The following SLC66A3 variants were observed in gnomAD, a reference collection of about 807,000 sequenced individuals.
The protein encoded by SLC66A3 is PQ loop repeat containing 3.
Under a neutral mutation model 25.5 loss-of-function variants are expected in SLC66A3, and 23 were observed. That is an observed-to-expected ratio of 0.90 (90% CI 0.65 to 1.28). The LOEUF is 1.28. Among genes scored for constraint, SLC66A3 ranks in the 50% most tolerant of loss-of-function variants. The probability of loss-of-function intolerance (pLI) is 0.00; values close to 1 mark genes in which losing one functional copy is unlikely to be tolerated. For synonymous variants in SLC66A3, 108 were observed against 112.6 expected (o/e 0.96, Z 0.26); for missense variants, 246 against 262.1 (o/e 0.94, Z 0.42).
At position 11,178,058 on chromosome 2, in the gene SLC66A3, C is replaced by T. The variant is rs185753268; in HGVS notation, c.*230C>T. On this transcript the variant is annotated 3_prime_UTR_variant, in exon 7 of 7. Transcript: ENST00000295083. ...GGTTATGGTAGTGCTCAGACATCTG[C>T]AGTGTTGAGGCCAGTCACTGTTGGA... is the stretch of plus-strand genomic sequence containing the variant. 2.9e-5 allele frequency: 12 copies of T among 419,122 alleles called. No homozygotes were observed. The Admixed American group carries it at 4.5e-4, about 16-fold the overall frequency. The allele number at this position is 419,122 out of a possible 1,614,324, so 26.0% of individuals were successfully genotyped here. A position where few individuals can be genotyped will look rare whatever the true frequency, so the allele number is the denominator to read the frequency against.
chr2:11,162,383 G>C lies in SLC66A3; in HGVS notation c.296+1689G>C, dbSNP rs370906899. ...GTAAACAGTACTTTGAAGATGAAAA[G>C]AGTTACATAATTTACTTTTGAAATA... On this transcript the variant is annotated intron_variant, in intron 3 of 6. Coordinates refer to ENST00000295083, the MANE Select transcript of SLC66A3 (RefSeq NM_152391.5). Among the ~76,000 whole-genome samples, 19 of 152,286 alleles carry C rather than the reference G, an allele frequency of 1.2e-4. No individual in the cohort carries two copies. The South Asian group carries it at 1.7e-3, about 13-fold the overall frequency.
chr2:11,164,744 C>G (rs138240424), intron 4 of SLC66A3, among the ~76,000 whole-genome samples: 1 of 151,568 alleles, frequency 6.6e-6, no homozygotes, highest in Non-Finnish European at 1.5e-5. Context: ...TGATTCTTAA[C>G]GAGCCTGCTG....
intron 3 of SLC66A3, among the ~76,000 whole-genome samples, chr2:11,163,063 A>G (rs1368250573): frequency 3.3e-5 from 5 of 152,154 alleles, no homozygotes; most frequent in African/African-American, 1.2e-4. Flanking sequence ...ACATAGTGGG[A>G]TTCCCTAGCG....
At chr2:11,157,653 A>G (rs1457997823) in intron 1 of SLC66A3, among the ~76,000 whole-genome samples, 1 of 152,260 alleles carries the variant, frequency 6.6e-6, no homozygotes. Flanking sequence ...TTGGGTCTCC[A>G]TTTGAGCAAA....
At chr2:11,168,464 CTGAAAGA>C (rs1662430478) in intron 4 of SLC66A3, among the ~76,000 whole-genome samples, 1 of 152,108 alleles carries the variant, frequency 6.6e-6, no homozygotes, top group Non-Finnish European at 1.5e-5. Flanking sequence ...AGCTTTGTTC[CTGAAAGA>C]TGAATCTGGT....
chr2:11,160,879 C>G, intron 3 of SLC66A3, 185 bp downstream of exon 3: 4 of 971,060 alleles, frequency 4.1e-6, no homozygotes, highest in Non-Finnish European at 5.9e-6. Flanking sequence ...GCCCCTGCTG[C>G]TCCTCCGAGA....
chr2:11,160,558 C>T lies in SLC66A3; in HGVS notation c.226+10C>T. 1.2e-6 allele frequency: 2 copies of T among 1,614,184 alleles called. No homozygotes were observed. Among genetic ancestry groups the T allele is most frequent in the South Asian group, 1.1e-5 (1 of 91,082 alleles). ...ATCCTCATCGCGCAAGGTAACAGCC[C>T]CTTCCCTGTCCAGCGGACTGCCACG... On this transcript the variant is annotated intron_variant, in intron 2 of 6. Coordinates refer to ENST00000295083, the MANE Select transcript of SLC66A3 (RefSeq NM_152391.5).
chr2:11,160,969 C>G (rs1662107831), intron 3 of SLC66A3: 1 of 568,608 alleles, frequency 1.8e-6, no homozygotes, highest in African/African-American at 1.9e-5. Context: ...GCAGCATCGT[C>G]CAACTGCATT....
In SLC66A3 at chr2:11,160,563, C is replaced by T; in HGVS notation, c.226+15C>T. 6.2e-7 allele frequency: 1 copy of T among 1,614,174 alleles called. No homozygotes were observed. The highest frequency in any genetic ancestry group is 8.5e-7 in the Non-Finnish European group (1 of 1,180,036). On this transcript the variant is annotated intron_variant, in intron 2 of 6. Coordinates refer to ENST00000295083, the MANE Select transcript of SLC66A3 (RefSeq NM_152391.5). ...CATCGCGCAAGGTAACAGCCCCTTC[C>T]CTGTCCAGCGGACTGCCACGGGTCT...
At chr2:11,158,523 G>A (rs557843823) in intron 1 of SLC66A3, among the ~76,000 whole-genome samples, 3 of 152,246 alleles carry the variant, frequency 2.0e-5, no homozygotes, top group African/African-American at 7.2e-5. Context: ...TTAGCTGGGC[G>A]TGGTGGCTGG....
At position 11,155,516 on chromosome 2, in the gene SLC66A3, C is replaced by A; in HGVS notation, c.-31C>A. 1 of 1,477,276 alleles carries A rather than the reference C, an allele frequency of 6.8e-7. No individual in the cohort carries two copies. Among genetic ancestry groups the A allele is most frequent in the South Asian group, 1.3e-5 (1 of 78,288 alleles). 91.5% of individuals were successfully genotyped at this position (1,477,276 alleles called of 1,614,324 possible). ...GAGGCTGAGCGGTCCCTTCTCGCTGCGGCCGCCCAGGTGCCCGCGCCCGTG... is the reference window on the plus strand; with the variant it reads ...GAGGCTGAGCGGTCCCTTCTCGCTGAGGCCGCCCAGGTGCCCGCGCCCGTG... On this transcript the variant is annotated 5_prime_UTR_variant, in exon 1 of 7. Coordinates refer to ENST00000295083, the MANE Select transcript of SLC66A3 (RefSeq NM_152391.5).
In SLC66A3 at chr2:11,177,867, C is replaced by A; in HGVS notation, c.*39C>A. The A allele has an allele frequency of 8.2e-7, 1 of 1,218,712 alleles. No individual in the cohort carries two copies. The highest frequency in any genetic ancestry group is 1.2e-6 in the Non-Finnish European group (1 of 845,012). 75.5% of individuals were successfully genotyped at this position (1,218,712 alleles called of 1,614,324 possible). ...CCTTCACACAGTGGATTTTGAGTAA[C>A]TGAACCAAAGGAAAAAGAAGCTCTT... On this transcript the variant is annotated 3_prime_UTR_variant, in exon 7 of 7. Coordinates refer to ENST00000295083, the MANE Select transcript of SLC66A3 (RefSeq NM_152391.5).
Position 11,155,520 on chromosome 2 carries a change from C to T in SLC66A3, c.-27C>T, listed in dbSNP as rs534131759. On this transcript the variant is annotated 5_prime_UTR_variant, in exon 1 of 7. Coordinates refer to ENST00000295083, the MANE Select transcript of SLC66A3 (RefSeq NM_152391.5). ...CTGAGCGGTCCCTTCTCGCTGCGGC[C>T]GCCCAGGTGCCCGCGCCCGTGGCGC... 2.3e-4 allele frequency: 336 copies of T among 1,480,220 alleles called. No homozygotes were observed. The highest frequency in any genetic ancestry group is 2.8e-4 in the Non-Finnish European group (315 of 1,124,096). 91.7% of individuals were successfully genotyped at this position (1,480,220 alleles called of 1,614,324 possible). A position where few individuals can be genotyped will look rare whatever the true frequency, so the allele number is the denominator to read the frequency against.
chr2:11,170,591 A>G (rs1572191996), intron 4 of SLC66A3, among the ~76,000 whole-genome samples: 1 of 126,290 alleles, frequency 7.9e-6, no homozygotes, highest in African/African-American at 2.6e-5. Flanking sequence ...GTATCTCAGT[A>G]CTTTTTTTTT....
chr2:11,175,445 G>A (rs938563208), intron 6 of SLC66A3, among the ~76,000 whole-genome samples: 1 of 152,202 alleles, frequency 6.6e-6, no homozygotes, highest in Non-Finnish European at 1.5e-5. Context: ...GGATGTGGGC[G>A]GAGGCCAGAC....
At chr2:11,164,556 T>G (rs1347257400) in intron 4 of SLC66A3, among the ~76,000 whole-genome samples, 8 of 151,366 alleles carry the variant, frequency 5.3e-5, no homozygotes, top group Non-Finnish European at 1.2e-4. Context: ...TTTTTAGTAT[T>G]TATTGTTATT....
At chr2:11,165,210 C>T (rs1427334198) in intron 4 of SLC66A3, among the ~76,000 whole-genome samples, 1 of 151,674 alleles carries the variant, frequency 6.6e-6, no homozygotes, top group East Asian at 1.9e-4. Flanking sequence ...CGGAGACGCT[C>T]CTCACTTCCC....
At chr2:11,167,930 A>C (rs1572188038) in intron 4 of SLC66A3, among the ~76,000 whole-genome samples, 2 of 152,326 alleles carry the variant, frequency 1.3e-5, no homozygotes, top group Admixed American at 1.3e-4. Context: ...TTCATGGTTA[A>C]ATTGATAATT....
intron 3 of SLC66A3, among the ~76,000 whole-genome samples, chr2:11,162,599 T>TTTTTA (rs1394032166): frequency 3.9e-5 from 6 of 152,078 alleles, no homozygotes; most frequent in African/African-American, 9.7e-5. Context: ...AATACTTTTA[T>TTTTTA]TTTTATTTTA....
Sources: allele counts gnomAD v4.1 joint callset (sites outside exome capture counted in the v4.1 genomes callset), GRCh38; gene constraint gnomAD v4.1.1; transcripts MANE v1.5; gene names NCBI Gene and HGNC (gene_info 2026-07-23, HGNC 2026-07-21).